OR10Q1: variants seen among roughly 807,000 people sequenced by gnomAD.
OR10Q1 encodes the protein olfactory receptor 10Q1.
For missense variants in OR10Q1, 435 were observed against 414.0 expected, an observed-to-expected ratio of 1.05 and a Z score of -0.44; for synonymous variants, 211 against 180.5, an observed-to-expected ratio of 1.17 and a Z score of -1.35.
At position 58,228,602 on chromosome 11, in the gene OR10Q1, C is replaced by T. The variant is rs144534306; in HGVS notation, c.274G>A (p.Ala92Thr). 14 of 1,613,940 alleles carry T rather than the reference C, an allele frequency of 8.7e-6. No homozygotes were observed. The highest frequency in any genetic ancestry group is 2.7e-5 in the African/African-American group (2 of 74,886). Residue 92 changes from alanine (A) to threonine (T), a missense_variant, in exon 1 of 1, where the codon GCC becomes ACC. Transcript: ENST00000316770. ...CCAGCCAACGAAATGGGCTTCTGGG[C>T]CCCCAAAATGTTGGAAAGCATCAAG... ...VPLMLSNILG[A>T]QKPISLAGCG...
Position 58,228,777 on chromosome 11 carries a change from A to G in OR10Q1, c.99T>C (p.Leu33=). ...TATEFQVLLF[L]LFLLLYLMIL... ...TCATCAAGTAGAGGAGGAGGAAGAGAAGGAAGAGAAGAACCTGGAATTCAG... is the reference window on the plus strand; with the variant it reads ...TCATCAAGTAGAGGAGGAGGAAGAGGAGGAAGAGAAGAACCTGGAATTCAG... The change falls in exon 1 of 1, where the codon CTT becomes CTC. Residue 33 remains leucine (L), a synonymous_variant. Coordinates refer to ENST00000316770, the MANE Select transcript of OR10Q1 (RefSeq NM_001004471.2). The G allele has an allele frequency of 6.2e-7, 1 of 1,613,850 alleles. No homozygotes were observed. The highest frequency in any genetic ancestry group is 8.5e-7 in the Non-Finnish European group (1 of 1,179,968).
chr11:58,228,265 A>G lies in OR10Q1; in HGVS notation c.611T>C (p.Leu204Pro). 6.2e-7 allele frequency: 1 copy of G among 1,613,816 alleles called. No homozygotes were observed. Among genetic ancestry groups the G allele is most frequent in the South Asian group, 1.1e-5 (1 of 91,050 alleles). Residue 204 changes from leucine to proline, a missense_variant, in exon 1 of 1, where the codon CTC (leucine) becomes CCC (proline). Physicochemically the swap from Leu to Pro is moderately conservative, Grantham distance 98. Coordinates refer to ENST00000316770, the MANE Select transcript of OR10Q1 (RefSeq NM_001004471.2). ...CAGCACGAGGATGCTCACGACATAG[A>G]GGACAGCCTGGTGCACGCGGATGTC... ...CADIRVHQAV[L>P]YVVSILVLTI...
chr11:58,228,294 G>T lies in OR10Q1; in HGVS notation c.582C>A (p.Cys194Ter). The T allele has an allele frequency of 1.2e-6, 2 of 1,613,750 alleles. No homozygotes were observed. The highest frequency in any genetic ancestry group is 1.7e-5 in the Admixed American group (1 of 60,018). ...CAGCCTGGTGCACGCGGATGTCAGCGCAGGCCAGGCGCAGGACGGGAGGCA... is the reference window on the plus strand; with the variant it reads ...CAGCCTGGTGCACGCGGATGTCAGCTCAGGCCAGGCGCAGGACGGGAGGCA... ...CDVPPVLRLA[C>*]ADIRVHQAVL... Residue 194 changes from cysteine (C) to a stop codon, truncating the protein, a stop_gained, in exon 1 of 1, where the codon TGC (cysteine) becomes TGA (stop). Transcript: ENST00000316770. LOFTEE classifies it low-confidence loss of function (END_TRUNC).
rs1477595878 is a variant in OR10Q1, at chr11:58,228,250, A to T, written c.626T>A (p.Ile209Asn). 2 of 1,613,822 alleles carry T rather than the reference A, an allele frequency of 1.2e-6. No individual in the cohort carries two copies. Among genetic ancestry groups the T allele is most frequent in the Admixed American group, 3.3e-5 (2 of 60,022 alleles). ...VHQAVLYVVS[I>N]LVLTIPFLLI... ...CAGGAAGGGGATGGTCAGCACGAGG[A>T]TGCTCACGACATAGAGGACAGCCTG... The change falls in exon 1 of 1, where the codon ATC becomes AAC. Residue 209 changes from isoleucine to asparagine, a missense_variant. By Grantham distance (149) the Ile-to-Asn change is moderately radical. Transcript: ENST00000316770.
chr11:58,227,905 C>T lies in OR10Q1; in HGVS notation c.*11G>A, dbSNP rs531675072. 1 of 1,600,006 alleles carries T rather than the reference C, an allele frequency of 6.2e-7. No individual in the cohort carries two copies. The highest frequency in any genetic ancestry group is 2.2e-5 in the East Asian group (1 of 44,740). On this transcript the variant is annotated 3_prime_UTR_variant, in exon 1 of 1. Transcript: ENST00000316770. Reference sequence around the variant, plus strand: ...CAACAGACAGACACCCAGCCCAGTGCCCCTAAGCCTTCAGTTGGCGTCAGA... The same window carrying T: ...CAACAGACAGACACCCAGCCCAGTGTCCCTAAGCCTTCAGTTGGCGTCAGA...
At position 58,228,821 on chromosome 11, in the gene OR10Q1, GGAACACAAACTCA is replaced by G. The variant is rs771019506; in HGVS notation, c.42_54del (p.Glu15ValfsTer22). 460 of 1,613,934 alleles carry G rather than the reference GGAACACAAACTCA, an allele frequency of 2.9e-4. No individual in the cohort carries two copies. The highest frequency in any genetic ancestry group is 2.7e-4 in the Non-Finnish European group (315 of 1,179,972). ...AATTCAGTGGCTGTGGTGAACGCAC[GGAACACAAACTCA>G]GTGGGCTCAGACTGGTTGAAGACAA... is the stretch of plus-strand genomic sequence containing the variant. On this transcript the variant is annotated frameshift_variant, in exon 1 of 1. Transcript: ENST00000316770. LOFTEE classifies it low-confidence loss of function (END_TRUNC).
At position 58,228,576 on chromosome 11, in the gene OR10Q1, T is replaced by C. The variant is rs756273333; in HGVS notation, c.300A>G (p.Gly100=). 1.2e-6 allele frequency: 2 copies of C among 1,614,078 alleles called. No homozygotes were observed. Among genetic ancestry groups the C allele is most frequent in the Non-Finnish European group, 8.5e-7 (1 of 1,180,018 alleles). The change falls in exon 1 of 1, where the codon GGA becomes GGG. Residue 100 remains glycine (G), a synonymous_variant. Coordinates refer to ENST00000316770, the MANE Select transcript of OR10Q1 (RefSeq NM_001004471.2). ...LGAQKPISLA[G]CGAQMFFFVT... ...CAAAGAAGAACATTTGGGCCCCACATCCAGCCAACGAAATGGGCTTCTGGG... is the reference window on the plus strand; with the variant it reads ...CAAAGAAGAACATTTGGGCCCCACACCCAGCCAACGAAATGGGCTTCTGGG...
rs1590648241 is a variant in OR10Q1, at chr11:58,228,054, A to G, written c.822T>C (p.Asp274=). 6.2e-7 allele frequency: 1 copy of G among 1,614,124 alleles called. No homozygotes were observed. Among genetic ancestry groups the G allele is most frequent in the Non-Finnish European group, 8.5e-7 (1 of 1,180,018 alleles). Residue 274 remains aspartate (D), a synonymous_variant, in exon 1 of 1, where the codon GAT becomes GAC. Transcript: ENST00000316770. ...AGACCAACGCGATTTGGCTGTCCTC[A>G]TCCTCTGAGGTGCTGGACCGAGGAC... The part of the protein sequence containing the change: ...YLRPRSSTSE[D]EDSQIALVYT...
In OR10Q1 at chr11:58,228,480, G is replaced by A; in HGVS notation, c.396C>T (p.His132=). 1 of 1,614,150 alleles carries A rather than the reference G, an allele frequency of 6.2e-7. No individual in the cohort carries two copies. The highest frequency in any genetic ancestry group is 8.5e-7 in the Non-Finnish European group (1 of 1,180,034). ...MAYDRYVAIC[H]PLHYTLIMTR... ...TCATGATGAGGGTGTAGTGCAGCGGGTGGCAGATAGCCACATAGCGGTCAT... is the reference window on the plus strand; with the variant it reads ...TCATGATGAGGGTGTAGTGCAGCGGATGGCAGATAGCCACATAGCGGTCAT... Residue 132 remains histidine, a synonymous_variant, in exon 1 of 1, where the codon CAC becomes CAT. Transcript: ENST00000316770.
Position 58,228,334 on chromosome 11 carries a change from T to C in OR10Q1, c.542A>G (p.His181Arg), listed in dbSNP as rs748225863. 1.2e-6 allele frequency: 2 copies of C among 1,613,682 alleles called. No homozygotes were observed. Among genetic ancestry groups the C allele is most frequent in the East Asian group, 4.5e-5 (2 of 44,816 alleles). The change falls in exon 1 of 1, where the codon CAC (histidine) becomes CGC (arginine). Residue 181 changes from histidine (H) to arginine (R), a missense_variant. His to Arg is a conservative substitution (Grantham distance 29). Transcript: ENST00000316770. ...GACGGGAGGCACATCGCAGAGGAAG[T>C]GGTTGATTTCCTGGTGGTGGCCGCA... ...PFCGHHQEIN[H>R]FLCDVPPVLR...
Position 58,228,581 on chromosome 11 carries a change from C to A in OR10Q1, c.295G>T (p.Ala99Ser). 1.9e-6 allele frequency: 3 copies of A among 1,614,134 alleles called. No homozygotes were observed. The highest frequency in any genetic ancestry group is 2.5e-6 in the Non-Finnish European group (3 of 1,180,008). ...AAGAACATTTGGGCCCCACATCCAGCCAACGAAATGGGCTTCTGGGCCCCC... is the reference window on the plus strand; with the variant it reads ...AAGAACATTTGGGCCCCACATCCAGACAACGAAATGGGCTTCTGGGCCCCC... ...ILGAQKPISL[A>S]GCGAQMFFFV... The change falls in exon 1 of 1, where the codon GCT becomes TCT. Residue 99 changes from alanine (A) to serine (S), a missense_variant. By Grantham distance (99) the Ala-to-Ser change is moderately conservative. Transcript: ENST00000316770.
rs747268723 is a variant in OR10Q1 at position 58,228,249 on chromosome 11, G to T, written c.627C>A (p.Ile209=). The part of the protein sequence containing the change: ...VHQAVLYVVS[I]LVLTIPFLLI... The stretch of plus-strand genomic sequence containing the variant: ...GCAGGAAGGGGATGGTCAGCACGAG[G>T]ATGCTCACGACATAGAGGACAGCCT... The change falls in exon 1 of 1, where the codon ATC becomes ATA. Residue 209 remains isoleucine, a synonymous_variant. Coordinates refer to ENST00000316770, the MANE Select transcript of OR10Q1 (RefSeq NM_001004471.2). 9 of 1,613,840 alleles carry T rather than the reference G, an allele frequency of 5.6e-6. No homozygotes were observed. Among genetic ancestry groups the T allele is most frequent in the Admixed American group, 1.7e-5 (1 of 60,030 alleles).
At position 58,228,499 on chromosome 11, in the gene OR10Q1, CG is replaced by C; in HGVS notation, c.376del (p.Arg126AlafsTer15). 6.2e-7 allele frequency: 1 copy of C among 1,613,996 alleles called. No individual in the cohort carries two copies. The highest frequency in any genetic ancestry group is 8.5e-7 in the Non-Finnish European group (1 of 1,179,982). ...CFLLAIMAYD[R>X]YVAICHPLHY... is the part of the protein sequence containing the mutation. ...CAGCGGGTGGCAGATAGCCACATAG[CG>C]GTCATAGGCCATGATCGCCAAGAGG... On this transcript the variant is annotated frameshift_variant, in exon 1 of 1. Transcript: ENST00000316770. LOFTEE classifies it low-confidence loss of function (END_TRUNC).
rs920535263 is a variant in OR10Q1, at chr11:58,228,709, T to A, written c.167A>T (p.His56Leu). 2.5e-6 allele frequency: 4 copies of A among 1,613,784 alleles called. No homozygotes were observed. Among genetic ancestry groups the A allele is most frequent in the Non-Finnish European group, 3.4e-6 (4 of 1,180,006 alleles). The change falls in exon 1 of 1, where the codon CAC becomes CTC. Residue 56 changes from histidine (H) to leucine (L), a missense_variant. Physicochemically the swap from His to Leu is moderately conservative, Grantham distance 99. Coordinates refer to ENST00000316770, the MANE Select transcript of OR10Q1 (RefSeq NM_001004471.2). ...ATACATCGGGGTGCGGAGGGTGCTG[T>A]GTGTGCACACCACCCAGATGATGGC... ...NTAIIWVVCT[H>L]STLRTPMYFF...
chr11:58,228,489 A>T lies in OR10Q1; in HGVS notation c.387T>A (p.Ala129=), dbSNP rs764166598. 1.2e-6 allele frequency: 2 copies of T among 1,614,014 alleles called. No homozygotes were observed. The highest frequency in any genetic ancestry group is 2.7e-5 in the African/African-American group (2 of 74,992). The change falls in exon 1 of 1, where the codon GCT becomes GCA. Residue 129 remains alanine, a synonymous_variant. Coordinates refer to ENST00000316770, the MANE Select transcript of OR10Q1 (RefSeq NM_001004471.2). ...GGGTGTAGTGCAGCGGGTGGCAGAT[A>T]GCCACATAGCGGTCATAGGCCATGA... is the stretch of plus-strand genomic sequence containing the variant. ...LAIMAYDRYV[A]ICHPLHYTLI...
rs755209361 is a variant in OR10Q1 at position 58,228,329 on chromosome 11, G to T, written c.547C>A (p.Leu183Ile). The change falls in exon 1 of 1, where the codon CTC becomes ATC. Residue 183 changes from leucine to isoleucine, a missense_variant. Leu to Ile is a conservative substitution (Grantham distance 5). Transcript: ENST00000316770. Reference protein sequence around the residue: ...CGHHQEINHFLCDVPPVLRLA... With the variant: ...CGHHQEINHFICDVPPVLRLA... ...CGCAGGACGGGAGGCACATCGCAGA[G>T]GAAGTGGTTGATTTCCTGGTGGTGG... 1.1e-5 allele frequency: 17 copies of T among 1,613,864 alleles called. No individual in the cohort carries two copies. The Admixed American group carries it at 2.8e-4, about 27-fold the overall frequency.
At position 58,228,270 on chromosome 11, in the gene OR10Q1, A is replaced by ATCC; in HGVS notation, c.605_606insGGA (p.Ala202_Val203insAsp). 6.2e-7 allele frequency: 1 copy of ATCC among 1,613,780 alleles called. No homozygotes were observed. Among genetic ancestry groups the ATCC allele is most frequent in the Non-Finnish European group, 8.5e-7 (1 of 1,179,994 alleles). On this transcript the variant is annotated inframe_insertion, in exon 1 of 1. Coordinates refer to ENST00000316770, the MANE Select transcript of OR10Q1 (RefSeq NM_001004471.2). ...CGAGGATGCTCACGACATAGAGGAC[A>ATCC]GCCTGGTGCACGCGGATGTCAGCGC...
rs757022003 is a variant in OR10Q1 at position 58,228,372 on chromosome 11, G to A, written c.504C>T (p.Phe168=). Residue 168 remains phenylalanine, a synonymous_variant, in exon 1 of 1, where the codon TTC becomes TTT. Transcript: ENST00000316770. ...GGTGGTGGCCGCAAAAGGGCAGGGT[G>A]AAGATTAAGGCGGTGAGCTGCAGGG... ...FPSLQLTALI[F]TLPFCGHHQE... is the part of the protein sequence containing the mutation. 10 of 1,614,042 alleles carry A rather than the reference G, an allele frequency of 6.2e-6. No homozygotes were observed. Among genetic ancestry groups the A allele is most frequent in the Non-Finnish European group, 8.5e-6 (10 of 1,180,050 alleles).
chr11:58,228,078 A>T lies in OR10Q1; in HGVS notation c.798T>A (p.Arg266=). 1.9e-6 allele frequency: 3 copies of T among 1,614,148 alleles called. No individual in the cohort carries two copies. The highest frequency in any genetic ancestry group is 2.5e-6 in the Non-Finnish European group (3 of 1,180,014). The part of the protein sequence containing the change: ...QYGCCSLVYL[R]PRSSTSEDED... ...CATCCTCTGAGGTGCTGGACCGAGG[A>T]CGCAGGTACACGAGGCTGCAGCAGC... The change falls in exon 1 of 1, where the codon CGT becomes CGA. Residue 266 remains arginine (R), a synonymous_variant. Transcript: ENST00000316770.
Sources: gnomAD v4.1 joint callset for allele counts on GRCh38, gnomAD v4.1.1 for gene constraint, MANE v1.5 for transcripts, NCBI Gene and HGNC (gene_info 2026-07-23, HGNC 2026-07-21) for gene names.